ROCK1: variants seen among roughly 807,000 people sequenced by gnomAD.
The protein encoded by ROCK1 is rho-associated protein kinase 1.
A neutral mutation model predicts 196.8 loss-of-function variants in ROCK1; 36 were observed. That is an observed-to-expected ratio of 0.18 (90% CI 0.14 to 0.24). The LOEUF (loss-of-function observed/expected upper bound fraction) is 0.24. ROCK1 is among the 10% of genes least tolerant of loss of function. ROCK1 has a pLI of 1.00. For missense variants in ROCK1, 920 were observed against 1,562.0 expected (o/e 0.59, Z 6.93); for synonymous variants, 443 against 515.9 (o/e 0.86, Z 1.91).
intron 2 of ROCK1, among the ~76,000 whole-genome samples, chr18:21,069,501 A>G (rs16964623): frequency 0.029 from 4,432 of 152,202 alleles, 231 homozygotes; most frequent in African/African-American, 0.098. Context: ...ATATACAAGC[A>G]TACTTAACAT....
At chr18:21,088,652 AAC>A (rs1462805667) in intron 1 of ROCK1, among the ~76,000 whole-genome samples, 1 of 152,200 alleles carries the variant, frequency 6.6e-6, no homozygotes, top group African/African-American at 2.4e-5. Flanking sequence ...TCCCCAGAGA[AAC>A]AGTGTTAAGA....
intron 5 of ROCK1, 106 bp downstream of exon 5, chr18:21,045,186 A>C (rs1362869754): frequency 9.6e-7 from 1 of 1,037,268 alleles, no homozygotes; most frequent in African/African-American, 1.6e-5. Flanking sequence ...AAGGTCACTT[A>C]TGTCATACGG....
At chr18:21,018,707 C>T (rs973806183) in intron 12 of ROCK1, among the ~76,000 whole-genome samples, 2 of 152,068 alleles carry the variant, frequency 1.3e-5, no homozygotes, top group Non-Finnish European at 1.5e-5. Context: ...GTATTATACA[C>T]TTAACCACAT....
intron 16 of ROCK1, among the ~76,000 whole-genome samples, chr18:21,003,628 A>AGGGGAGGTGGAGGTACAAAAT (rs1209415931): frequency 6.6e-6 from 1 of 152,042 alleles, no homozygotes; most frequent in African/African-American, 2.4e-5. Context: ...AGGATTGGGA[A>AGGGGAGGTGGAGGTACAAAAT]GGGGAGGTGG....
chr18:21,092,891 T>C (rs1468892799), intron 1 of ROCK1, among the ~76,000 whole-genome samples: 7 of 152,128 alleles, frequency 4.6e-5, no homozygotes, highest in African/African-American at 1.7e-4. Flanking sequence ...TGTATCTCAG[T>C]TGGTGGTCTT....
chr18:21,023,784 G>T lies in ROCK1; in HGVS notation c.1212-104C>A, dbSNP rs1018615438. The T allele has an allele frequency of 4.5e-5, 23 of 506,634 alleles. No individual in the cohort carries two copies. The African/African-American group carries it at 4.6e-4, about 10-fold the overall frequency. 31.4% of individuals were successfully genotyped at this position (506,634 alleles called of 1,614,324 possible). ...CACGCCTATTTTATGTTCAGTTATA[G>T]TAACTTTGTTTTTAAAAATTAAGTA... On this transcript the variant is annotated intron_variant, in intron 10 of 32. Coordinates refer to ENST00000399799, the MANE Select transcript of ROCK1 (RefSeq NM_005406.3).
intron 10 of ROCK1, among the ~76,000 whole-genome samples, chr18:21,027,015 T>C (rs1167213215): frequency 1.3e-5 from 2 of 151,450 alleles, no homozygotes; most frequent in Non-Finnish European, 2.9e-5. Flanking sequence ...CTAGGCTCAC[T>C]GTAACCTCCG....
At chr18:20,959,121 ATATATATATTATATATAT>A (rs1206245915) in intron 29 of ROCK1, among the ~76,000 whole-genome samples, 1 of 52,100 alleles carries the variant, frequency 1.9e-5, no homozygotes, top group African/African-American at 1.4e-4. Flanking sequence ...ATATTATATA[ATATATATATTATATATAT>A]TATATAAAAT....
chr18:21,049,062 AGC>A (rs1043963753), intron 4 of ROCK1, 28 bp downstream of exon 4: 7 of 1,540,688 alleles, frequency 4.5e-6, no homozygotes, highest in Non-Finnish European at 6.1e-6. Flanking sequence ...AAACTAATGC[AGC>A]AATAATGAAA....
intron 2 of ROCK1, among the ~76,000 whole-genome samples, chr18:21,066,202 G>A (rs962197100): frequency 1.3e-5 from 2 of 152,078 alleles, no homozygotes; most frequent in African/African-American, 4.8e-5. Flanking sequence ...AAAACACAAT[G>A]CCAGTAATTG....
intron 32 of ROCK1, 184 bp downstream of exon 32, chr18:20,953,394 G>GTAT (rs113059218): frequency 2.1e-6 from 1 of 466,510 alleles, no homozygotes; most frequent in South Asian, 2.7e-5. Flanking sequence ...AATATTGCAT[G>GTAT]TATTATTATT....
intron 2 of ROCK1, among the ~76,000 whole-genome samples, chr18:21,065,492 T>G (rs182618102): frequency 1.5e-4 from 23 of 152,264 alleles, no homozygotes; most frequent in African/African-American, 5.3e-4. Flanking sequence ...AAACATGTTT[T>G]TCTATTAACA....
chr18:21,015,315 C>T, intron 13 of ROCK1, 116 bp downstream of exon 13: 1 of 729,056 alleles, frequency 1.4e-6, no homozygotes, highest in Non-Finnish European at 2.4e-6. Context: ...TCACAATTCT[C>T]TGCTCTGTTT....
intron 1 of ROCK1, among the ~76,000 whole-genome samples, chr18:21,071,244 T>G (rs1298874866): frequency 6.7e-6 from 1 of 148,332 alleles, no homozygotes; most frequent in African/African-American, 2.5e-5. Flanking sequence ...AGTGGTGCAA[T>G]GTTGGCTCAA....
intron 11 of ROCK1, among the ~76,000 whole-genome samples, chr18:21,022,677 G>A (rs547936277): frequency 6.6e-6 from 1 of 152,252 alleles, no homozygotes; most frequent in Admixed American, 6.5e-5. Context: ...CTTTCTCTGA[G>A]CTACGATAAG....
chr18:20,997,910 C>A (rs1009569798), intron 16 of ROCK1, among the ~76,000 whole-genome samples: 4 of 150,766 alleles, frequency 2.7e-5, no homozygotes, highest in Non-Finnish European at 5.9e-5. Flanking sequence ...GATCTTGGCT[C>A]ACTGCAACTT....
intron 9 of ROCK1, among the ~76,000 whole-genome samples, chr18:21,034,372 A>G (rs1240263237): frequency 3.3e-5 from 5 of 152,152 alleles, no homozygotes; most frequent in Admixed American, 6.6e-5. Context: ...AAGTTGAAAG[A>G]CTCACATTTC....
intron 13 of ROCK1, among the ~76,000 whole-genome samples, chr18:21,013,908 T>A (rs754585871): frequency 1.5e-4 from 23 of 151,810 alleles, no homozygotes; most frequent in Non-Finnish European, 2.9e-4. Context: ...AAAAAAAATA[T>A]ATAAAAAATT....
At chr18:21,070,490 T>A in intron 2 of ROCK1, 42 bp downstream of exon 2, 1 of 1,033,556 alleles carries the variant, frequency 9.7e-7, no homozygotes, top group Admixed American at 2.2e-5. Flanking sequence ...GAAAATGTAG[T>A]TATATGAAGT....
Sources: allele counts gnomAD v4.1 joint callset (sites outside exome capture counted in the v4.1 genomes callset), GRCh38; gene constraint gnomAD v4.1.1; transcripts MANE v1.5; gene names NCBI Gene and HGNC (gene_info 2026-07-23, HGNC 2026-07-21).